Variants in SLC30A8 observed in about 807,000 individuals in gnomAD.
The protein encoded by SLC30A8 is solute carrier family 30 member 8, also known as proton-coupled zinc antiporter SLC30A8.
SLC30A8 carries 27 observed loss-of-function variants against 36.9 expected under a neutral mutation model. That is an observed-to-expected ratio of 0.73 (90% confidence interval 0.54 to 1.01). The LOEUF is 1.01. Ranked by LOEUF, SLC30A8 falls within the 50% of genes least tolerant of loss-of-function variation. SLC30A8 has a pLI of 0.00. For synonymous variants in SLC30A8, 164 were observed against 172.4 expected, an observed-to-expected ratio of 0.95 and a Z score of 0.38; for missense variants, 439 against 452.0, an observed-to-expected ratio of 0.97 and a Z score of 0.26.
At chr8:117,001,375 G>A (rs1390330264) in intron 1 of SLC30A8, among the ~76,000 whole-genome samples, 2 of 152,144 alleles carry the variant, frequency 1.3e-5, no homozygotes, top group Non-Finnish European at 2.9e-5. Flanking sequence ...GGTCATTGGT[G>A]AAATCATTGA....
intron 2 of SLC30A8, among the ~76,000 whole-genome samples, chr8:117,111,229 T>G (rs550748363): frequency 6.6e-6 from 1 of 152,196 alleles, no homozygotes; most frequent in East Asian, 1.9e-4. Flanking sequence ...ATTGTTGTTT[T>G]CTGACATGTT....
intron 1 of SLC30A8, among the ~76,000 whole-genome samples, chr8:117,030,891 A>T (rs368308595): frequency 6.8e-6 from 1 of 148,116 alleles, no homozygotes; most frequent in Admixed American, 6.6e-5. Flanking sequence ...TATCACAGAC[A>T]TGTGTGCTTT....
At chr8:117,041,708 T>TA (rs940418437) in intron 2 of SLC30A8, among the ~76,000 whole-genome samples, 3 of 151,476 alleles carry the variant, frequency 2.0e-5, no homozygotes, top group African/African-American at 4.8e-5. Context: ...AATAAAAAAA[T>TA]AAAAAAAATT....
At chr8:117,007,455 T>C (rs1392842965) in intron 1 of SLC30A8, among the ~76,000 whole-genome samples, 2 of 152,246 alleles carry the variant, frequency 1.3e-5, no homozygotes, top group East Asian at 3.8e-4. Context: ...CTTTAGTTAC[T>C]AACATTCTGG....
At chr8:117,004,083 A>G (rs984003981) in intron 1 of SLC30A8, among the ~76,000 whole-genome samples, 1 of 152,208 alleles carries the variant, frequency 6.6e-6, no homozygotes, top group Non-Finnish European at 1.5e-5. Context: ...CTGAGCACTA[A>G]CAAAATCTGG....
intron 1 of SLC30A8, among the ~76,000 whole-genome samples, chr8:117,022,299 A>G (rs1349437443): frequency 6.6e-6 from 1 of 152,332 alleles, no homozygotes; most frequent in South Asian, 2.1e-4. Flanking sequence ...AACACTAACC[A>G]TCAGGGGAAG....
chr8:117,045,293 A>G (rs1563566386), intron 2 of SLC30A8, among the ~76,000 whole-genome samples: 1 of 152,174 alleles, frequency 6.6e-6, no homozygotes, highest in Non-Finnish European at 1.5e-5. Context: ...AGGGAAGAAT[A>G]TTGCCATCTT....
At chr8:117,083,971 T>TA (rs1818767192) in intron 2 of SLC30A8, among the ~76,000 whole-genome samples, 1 of 152,162 alleles carries the variant, frequency 6.6e-6, no homozygotes, top group Admixed American at 6.5e-5. Context: ...AAGATAGCCC[T>TA]ACTGAGCTTT....
chr8:117,103,599 CA>C (rs1819829104), intron 2 of SLC30A8, among the ~76,000 whole-genome samples: 1 of 152,190 alleles, frequency 6.6e-6, no homozygotes, highest in Non-Finnish European at 1.5e-5. Flanking sequence ...CTCACCTTCC[CA>C]AGTAGCTGGG....
chr8:117,079,050 C>T (rs1210772687), intron 2 of SLC30A8, among the ~76,000 whole-genome samples: 3 of 150,938 alleles, frequency 2.0e-5, no homozygotes, highest in Non-Finnish European at 4.4e-5. Context: ...CTTGCTCTGT[C>T]GTCCAGGCTG....
At chr8:116,993,131 C>T (rs959064954) in intron 1 of SLC30A8, among the ~76,000 whole-genome samples, 3 of 151,432 alleles carry the variant, frequency 2.0e-5, no homozygotes, top group Non-Finnish European at 2.9e-5. Flanking sequence ...TACCTAGTCA[C>T]AGGGTGCAAC....
intron 1 of SLC30A8, among the ~76,000 whole-genome samples, chr8:116,963,601 A>G (rs1814505666): frequency 6.6e-6 from 1 of 152,070 alleles, no homozygotes; most frequent in Admixed American, 6.6e-5. Flanking sequence ...CTTTCTTTTT[A>G]TGGCTGAATA....
intron 2 of SLC30A8, among the ~76,000 whole-genome samples, chr8:117,059,352 T>C (rs1817963453): frequency 1.3e-5 from 2 of 152,222 alleles, no homozygotes; most frequent in Admixed American, 1.3e-4. Context: ...CACATTGATT[T>C]AGAAAAGCTT....
intron 1 of SLC30A8, among the ~76,000 whole-genome samples, chr8:116,991,411 TCTC>T (rs1163570220): frequency 6.6e-6 from 1 of 152,134 alleles, no homozygotes; most frequent in Non-Finnish European, 1.5e-5. Context: ...TTCAAGCAAT[TCTC>T]CTGCCTCAGC....
chr8:117,017,806 T>G (rs1816566510), intron 1 of SLC30A8: 1 of 152,234 alleles, frequency 6.6e-6, no homozygotes, highest in African/African-American at 2.4e-5. Context: ...GAATTTCTTT[T>G]TATTAATGAG....
At chr8:116,967,921 A>G (rs1814654639) in intron 1 of SLC30A8, among the ~76,000 whole-genome samples, 1 of 152,174 alleles carries the variant, frequency 6.6e-6, no homozygotes, top group South Asian at 2.1e-4. Flanking sequence ...AGAAGATGCA[A>G]TGCAGTATCA....
At chr8:117,097,593 TTATA>T (rs1286007240) in intron 2 of SLC30A8, among the ~76,000 whole-genome samples, 10 of 102,930 alleles carry the variant, frequency 9.7e-5, no homozygotes, top group African/African-American at 3.6e-4. Flanking sequence ...ATAATATATA[TTATA>T]TATAATATAT....
At chr8:117,105,153 C>T (rs1273834021) in intron 2 of SLC30A8, among the ~76,000 whole-genome samples, 1 of 152,024 alleles carries the variant, frequency 6.6e-6, no homozygotes, top group African/African-American at 2.4e-5. Context: ...GAATGTCTAA[C>T]CTCCTGGGAA....
At chr8:117,160,966 G>A (rs547009678) in intron 4 of SLC30A8, among the ~76,000 whole-genome samples, 11 of 152,340 alleles carry the variant, frequency 7.2e-5, no homozygotes, top group African/African-American at 2.4e-4. Flanking sequence ...AGCTGTCAGT[G>A]AAAATGTTCT....
Sources: gnomAD v4.1 joint callset for allele counts (sites outside exome capture counted in the v4.1 genomes callset) on GRCh38, gnomAD v4.1.1 for gene constraint, MANE v1.5 for transcripts, NCBI Gene and HGNC (gene_info 2026-07-23, HGNC 2026-07-21) for gene names.